Variants in SUGCT observed in about 807,000 individuals in gnomAD.
SUGCT encodes succinyl-CoA:glutarate CoA-transferase.
A neutral mutation model predicts 55.0 loss-of-function variants in SUGCT; 41 were observed. The observed-to-expected ratio is 0.74, with a 90% CI of 0.58 to 0.97. The LOEUF (loss-of-function observed/expected upper bound fraction) is 0.97. SUGCT is among the 50% of genes least tolerant of loss of function. SUGCT has a pLI of 0.00. For missense variants in SUGCT, 568 were observed against 547.8 expected (o/e 1.04, Z -0.37); for synonymous variants, 187 against 200.4 (o/e 0.93, Z 0.56).
chr7:40,325,266 A>C (rs1285407271), intron 9 of SUGCT, among the ~76,000 whole-genome samples: 1 of 151,782 alleles, frequency 6.6e-6, no homozygotes, highest in African/African-American at 2.4e-5. Flanking sequence ...TAAATGATAT[A>C]CATCTGTCTC....
intron 9 of SUGCT, among the ~76,000 whole-genome samples, chr7:40,446,828 T>C (rs1447902646): frequency 3.3e-5 from 5 of 152,232 alleles, no homozygotes; most frequent in East Asian, 3.8e-4. Flanking sequence ...CTTTATGTTA[T>C]GATGGAAGTA....
At chr7:40,143,572 AT>A (rs1430360590) in intron 1 of SUGCT, among the ~76,000 whole-genome samples, 1 of 152,232 alleles carries the variant, frequency 6.6e-6, no homozygotes, top group East Asian at 1.9e-4. Context: ...AAGCATAACA[AT>A]TGCTTTTGTT....
At chr7:40,419,335 A>G (rs184537755) in intron 9 of SUGCT, among the ~76,000 whole-genome samples, 1 of 152,102 alleles carries the variant, frequency 6.6e-6, no homozygotes, top group Non-Finnish European at 1.5e-5. Flanking sequence ...ATCCACTTCT[A>G]TATATTACTG....
chr7:40,255,280 G>GTCCA lies in SUGCT; in HGVS notation c.576+17556_576+17559dup, dbSNP rs1790734185. ...AAGGATATGTCTTCAGTTTGAACTT[G>GTCCA]TCCATAAATTGCAAGAGAAAAGAAC... is the stretch of plus-strand genomic sequence containing the variant. On this transcript the variant is annotated intron_variant, in intron 7 of 13. Transcript: ENST00000335693. Among the ~76,000 whole-genome samples, 4 of 150,338 alleles carry GTCCA rather than the reference G, an allele frequency of 2.7e-5. No individual in the cohort carries two copies. The South Asian group carries it at 8.4e-4, about 32-fold the overall frequency.
intron 12 of SUGCT, among the ~76,000 whole-genome samples, chr7:40,556,164 C>G (rs565407724): frequency 3.3e-5 from 5 of 152,270 alleles, no homozygotes; most frequent in Admixed American, 2.6e-4. Flanking sequence ...TTAAGTCTAT[C>G]CTCCACCTTC....
intron 13 of SUGCT, among the ~76,000 whole-genome samples, chr7:40,805,344 G>GC (rs1017519765): frequency 2.0e-5 from 3 of 151,954 alleles, no homozygotes; most frequent in Admixed American, 6.6e-5. Context: ...GCCAAATTCT[G>GC]CCCCCCGGAA....
chr7:40,655,300 A>C (rs1800964043), intron 12 of SUGCT, among the ~76,000 whole-genome samples: 3 of 152,006 alleles, frequency 2.0e-5, no homozygotes. Context: ...TCTCAAAAAA[A>C]AATTAAAAAT....
chr7:40,757,357 G>T (rs1788307558), intron 13 of SUGCT, among the ~76,000 whole-genome samples: 1 of 152,162 alleles, frequency 6.6e-6, no homozygotes, highest in Non-Finnish European at 1.5e-5. Flanking sequence ...TATTTTGTGA[G>T]ACCTGGGCTT....
intron 12 of SUGCT, chr7:40,539,114 C>G (rs974112996): frequency 2.0e-5 from 3 of 151,908 alleles, no homozygotes; most frequent in Non-Finnish European, 2.9e-5. Flanking sequence ...AAGACATTTT[C>G]TTAGTAGTGA....
intron 9 of SUGCT, among the ~76,000 whole-genome samples, chr7:40,317,153 A>C (rs1795488044): frequency 1.3e-5 from 2 of 151,484 alleles, no homozygotes. Flanking sequence ...TCCCACCTAA[A>C]AGAGGCACTG....
At chr7:40,961,498 C>A in the SUGCT span, among the ~76,000 whole-genome samples, 2 of 152,208 alleles carry the variant, frequency 1.3e-5, no homozygotes, top group Admixed American at 6.5e-5. Context: ...CATCTCACAC[C>A]TTTTGTGGCT....
At chr7:40,249,099 T>C (rs1790130272) in intron 7 of SUGCT, among the ~76,000 whole-genome samples, 1 of 151,712 alleles carries the variant, frequency 6.6e-6, no homozygotes, top group Non-Finnish European at 1.5e-5. Context: ...GAGACCAGTC[T>C]GGCCAAAATA....
intron 9 of SUGCT, among the ~76,000 whole-genome samples, chr7:40,396,608 G>T (rs1785747000): frequency 6.6e-6 from 1 of 152,176 alleles, no homozygotes; most frequent in African/African-American, 2.4e-5. Flanking sequence ...TGGGACTGCA[G>T]CAAGAGTAAA....
At chr7:40,303,356 A>C (rs566960860) in intron 8 of SUGCT, among the ~76,000 whole-genome samples, 2 of 152,268 alleles carry the variant, frequency 1.3e-5, no homozygotes, top group South Asian at 2.1e-4. Context: ...TCTATAAAGT[A>C]AATTCACATT....
At chr7:40,421,869 C>A (rs1475710177) in intron 9 of SUGCT, among the ~76,000 whole-genome samples, 1 of 152,162 alleles carries the variant, frequency 6.6e-6, no homozygotes, top group Non-Finnish European at 1.5e-5. Flanking sequence ...GTGGTTCATC[C>A]ACTGCAGGTC....
chr7:40,492,635 A>G (rs953466389), intron 11 of SUGCT, among the ~76,000 whole-genome samples: 3 of 152,170 alleles, frequency 2.0e-5, no homozygotes, highest in Admixed American at 2.0e-4. Flanking sequence ...AGATCTTTGT[A>G]TATATTGCTC....
the SUGCT span, among the ~76,000 whole-genome samples, chr7:40,977,637 A>G: frequency 6.6e-6 from 1 of 152,186 alleles, no homozygotes; most frequent in Non-Finnish European, 1.5e-5. Context: ...AGAAATGGAA[A>G]CCACTCCCTC....
At chr7:40,610,848 C>T (rs548350437) in intron 12 of SUGCT, among the ~76,000 whole-genome samples, 18 of 152,140 alleles carry the variant, frequency 1.2e-4, no homozygotes, top group Non-Finnish European at 2.4e-4. Context: ...CTTCGAATTC[C>T]ATCATGAACT....
chr7:40,794,370 G>T (rs921238811), intron 13 of SUGCT, among the ~76,000 whole-genome samples: 1 of 152,102 alleles, frequency 6.6e-6, no homozygotes, highest in African/African-American at 2.4e-5. Flanking sequence ...CTGACTTATG[G>T]TTAAATTCTC....
Sources: gnomAD v4.1 joint callset for allele counts (sites outside exome capture counted in the v4.1 genomes callset) on GRCh38, gnomAD v4.1.1 for gene constraint, MANE v1.5 for transcripts, NCBI Gene and HGNC (gene_info 2026-07-23, HGNC 2026-07-21) for gene names.